The following TMEM117 variants were observed in gnomAD, a reference collection of about 807,000 sequenced individuals.
The protein encoded by TMEM117 is transmembrane protein 117.
Under a neutral mutation model 52.4 loss-of-function variants are expected in TMEM117, and 27 were observed. The observed-to-expected ratio is 0.51, with a 90% CI of 0.38 to 0.71. The LOEUF (loss-of-function observed/expected upper bound fraction) is 0.71, where lower values mean the gene tolerates loss of function less well. Ranked by LOEUF, TMEM117 falls within the 30% of genes least tolerant of loss-of-function variation. TMEM117 has a pLI of 0.00. For missense variants in TMEM117, 556 were observed against 630.5 expected (o/e 0.88, Z 1.26); for synonymous variants, 215 against 206.3 (o/e 1.04, Z -0.36).
At chr12:44,095,445 A>G (rs530740082) in intron 3 of TMEM117, among the ~76,000 whole-genome samples, 1 of 152,216 alleles carries the variant, frequency 6.6e-6, no homozygotes, top group African/African-American at 2.4e-5. Context: ...ATTTCTGCAA[A>G]TAGAAATTTG....
At chr12:43,913,650 G>A (rs1212230758) in intron 2 of TMEM117, among the ~76,000 whole-genome samples, 4 of 152,062 alleles carry the variant, frequency 2.6e-5, no homozygotes, top group Admixed American at 2.6e-4. Flanking sequence ...AGTCGTTCCT[G>A]TTTTTGCCAC....
Position 44,211,295 on chromosome 12 carries a change from T to C in TMEM117, c.516T>C (p.Thr172=). ...MGDFVTAWMV[T]DMMLQDKPYP... Reference sequence around the variant, plus strand: ...AGTTCCTTTCATTGCTTCAGGTCACTGATATGATGCTTCAGGACAAACCCT... The same window carrying C: ...AGTTCCTTTCATTGCTTCAGGTCACCGATATGATGCTTCAGGACAAACCCT... The change falls in exon 5 of 8, where the codon ACT becomes ACC. Residue 172 remains threonine (T), a synonymous_variant. Transcript: ENST00000266534. The C allele has an allele frequency of 2.5e-6, 4 of 1,608,498 alleles. No individual in the cohort carries two copies. Among genetic ancestry groups the C allele is most frequent in the Non-Finnish European group, 3.4e-6 (4 of 1,177,178 alleles).
chr12:43,984,767 G>A (rs1161611332), intron 3 of TMEM117, among the ~76,000 whole-genome samples: 1 of 151,948 alleles, frequency 6.6e-6, no homozygotes, highest in Non-Finnish European at 1.5e-5. Context: ...GTATTATTTT[G>A]TAATCTGTTT....
chr12:43,875,554 G>A (rs1438732926), intron 2 of TMEM117, among the ~76,000 whole-genome samples: 2 of 152,164 alleles, frequency 1.3e-5, no homozygotes, highest in Non-Finnish European at 2.9e-5. Flanking sequence ...GCAGGACTGT[G>A]TCCAATAAAG....
At chr12:44,042,761 T>TACACACAC (rs61350418) in intron 3 of TMEM117, among the ~76,000 whole-genome samples, 1,355 of 132,122 alleles carry the variant, frequency 0.01, 16 homozygotes, top group Middle Eastern at 0.04. Flanking sequence ...CTTAATAAAC[T>TACACACAC]ACACACACAC....
chr12:44,387,177 C>A (rs899923814), intron 7 of TMEM117, among the ~76,000 whole-genome samples: 2 of 151,278 alleles, frequency 1.3e-5, no homozygotes, highest in Admixed American at 1.3e-4. Context: ...GTTTTTTCAC[C>A]TTTTGTCCAT....
the TMEM117 span, among the ~76,000 whole-genome samples, chr12:43,796,448 A>C: frequency 1.3e-5 from 2 of 152,128 alleles, no homozygotes; most frequent in Non-Finnish European, 2.9e-5. Flanking sequence ...AGAAAATTTA[A>C]GAAAATTGGT....
chr12:44,128,232 C>A (rs114782377), intron 3 of TMEM117, among the ~76,000 whole-genome samples: 1,744 of 152,252 alleles, frequency 0.011, 21 homozygotes, highest in South Asian at 0.051. Context: ...CCTTCTCTTC[C>A]TTTGTCTGTC....
chr12:43,887,574 G>A (rs562859064), intron 2 of TMEM117, among the ~76,000 whole-genome samples: 18 of 152,324 alleles, frequency 1.2e-4, no homozygotes, highest in Admixed American at 1.1e-3. Flanking sequence ...TTCAGCCAGT[G>A]CAGACATTTG....
chr12:43,912,867 G>A (rs559851714), intron 2 of TMEM117, among the ~76,000 whole-genome samples: 89 of 151,994 alleles, frequency 5.9e-4, no homozygotes, highest in African/African-American at 2.1e-3. Context: ...TGTTGTATCT[G>A]TCTGCCATGT....
chr12:44,142,513 CA>C, intron 3 of TMEM117, among the ~76,000 whole-genome samples: 1 of 152,146 alleles, frequency 6.6e-6, no homozygotes, highest in South Asian at 2.1e-4. Flanking sequence ...TCAGTGACTT[CA>C]AAAACATGTT....
chr12:43,861,280 G>A (rs1943484525), intron 2 of TMEM117, among the ~76,000 whole-genome samples: 1 of 152,092 alleles, frequency 6.6e-6, no homozygotes, highest in Non-Finnish European at 1.5e-5. Flanking sequence ...TTTCTCTAGG[G>A]ATGAATAGAT....
chr12:44,033,034 G>T (rs1174000439), intron 3 of TMEM117, among the ~76,000 whole-genome samples: 1 of 152,126 alleles, frequency 6.6e-6, no homozygotes, highest in Non-Finnish European at 1.5e-5. Flanking sequence ...TGAGATAGAA[G>T]GTTGGCACAA....
chr12:44,150,447 G>A (rs1208996501), intron 4 of TMEM117, among the ~76,000 whole-genome samples: 4 of 152,114 alleles, frequency 2.6e-5, no homozygotes, highest in African/African-American at 9.7e-5. Flanking sequence ...GGTTGCGAGT[G>A]GGACACCAAC....
intron 5 of TMEM117, among the ~76,000 whole-genome samples, chr12:44,224,346 C>G (rs551613022): frequency 2.4e-4 from 36 of 152,164 alleles, no homozygotes; most frequent in Non-Finnish European, 4.7e-4. Flanking sequence ...CCAAAATATA[C>G]AAGTTCTTTA....
chr12:43,979,019 A>G (rs1483821088), intron 3 of TMEM117, among the ~76,000 whole-genome samples: 2 of 151,572 alleles, frequency 1.3e-5, no homozygotes, highest in African/African-American at 4.8e-5. Context: ...TTTTTGCTGC[A>G]GGAGTTAAAT....
chr12:44,367,549 C>T lies in TMEM117; in HGVS notation c.769-9046C>T, dbSNP rs192495371. Among the ~76,000 whole-genome samples, 3 of 151,992 alleles carry T rather than the reference C, an allele frequency of 2.0e-5. No individual in the cohort carries two copies. The East Asian group carries it at 5.8e-4, about 29-fold the overall frequency. Reference sequence around the variant, plus strand: ...AAATGAGGGAGTGCCTCAGTCAGTCCCTGGCCTCTTTTCTTGGCTTTCTAT... The same window carrying T: ...AAATGAGGGAGTGCCTCAGTCAGTCTCTGGCCTCTTTTCTTGGCTTTCTAT... On this transcript the variant is annotated intron_variant, in intron 6 of 7. Transcript: ENST00000266534.
intron 3 of TMEM117, among the ~76,000 whole-genome samples, chr12:43,993,707 T>A (rs190072964): frequency 3.7e-4 from 56 of 152,276 alleles, no homozygotes; most frequent in Non-Finnish European, 6.8e-4. Context: ...TTTTTTCTAT[T>A]TTTTTGAGAC....
chr12:44,382,416 G>A (rs921342673), intron 7 of TMEM117, among the ~76,000 whole-genome samples: 1 of 152,140 alleles, frequency 6.6e-6, no homozygotes, highest in Non-Finnish European at 1.5e-5. Flanking sequence ...TATGATACAT[G>A]CATTTTATTT....
Sources: gnomAD v4.1 joint callset for allele counts (sites outside exome capture counted in the v4.1 genomes callset) on GRCh38, gnomAD v4.1.1 for gene constraint, MANE v1.5 for transcripts, NCBI Gene and HGNC (gene_info 2026-07-23, HGNC 2026-07-21) for gene names.